SUPT3H: variants seen among roughly 807,000 people sequenced by gnomAD.
The protein encoded by SUPT3H is transcription initiation protein SPT3 homolog.
A neutral mutation model predicts 44.3 loss-of-function variants in SUPT3H; 44 were observed. The observed-to-expected ratio is 0.99, with a 90% confidence interval of 0.78 to 1.28. The LOEUF is 1.28. SUPT3H is among the 50% of genes most tolerant of loss of function. The probability of loss-of-function intolerance (pLI) is 0.00; values close to 1 mark genes in which losing one functional copy is unlikely to be tolerated. For missense variants in SUPT3H, 380 were observed against 387.1 expected, an observed-to-expected ratio of 0.98 and a Z score of 0.15; for synonymous variants, 124 against 125.6, an observed-to-expected ratio of 0.99 and a Z score of 0.09.
intron 6 of SUPT3H, among the ~76,000 whole-genome samples, chr6:44,994,658 A>T (rs1279801904): frequency 6.6e-6 from 1 of 152,072 alleles, no homozygotes; most frequent in South Asian, 2.1e-4. Flanking sequence ...TTAAGAGTAA[A>T]TCTTGGGACA....
chr6:45,174,516 G>C (rs188255923), intron 2 of SUPT3H, among the ~76,000 whole-genome samples: 2,662 of 152,256 alleles, frequency 0.017, 50 homozygotes, highest in South Asian at 0.085. Flanking sequence ...TGAGCATAAA[G>C]TGAGGTGAAT....
chr6:45,069,418 G>T (rs1415450810), intron 3 of SUPT3H, among the ~76,000 whole-genome samples: 1 of 152,146 alleles, frequency 6.6e-6, no homozygotes, highest in East Asian at 1.9e-4. Context: ...TTTTATAGTT[G>T]TAAGAAGAGA....
chr6:45,340,374 A>G (rs1291481790), intron 2 of SUPT3H, among the ~76,000 whole-genome samples: 1 of 152,152 alleles, frequency 6.6e-6, no homozygotes, highest in Non-Finnish European at 1.5e-5. Context: ...CCCAGGCTAG[A>G]GTGCACTGGC....
At position 44,885,118 on chromosome 6, in the gene SUPT3H, C is replaced by T. The variant is rs532222576; in HGVS notation, c.912+47535G>A. On this transcript the variant is annotated intron_variant, in intron 10 of 10. Transcript: ENST00000371459. ...AGGTAAACAAAGCAGCCAGGAAGCTCGAACTGGGTGGAGCCCACCACAGCT... is the reference window on the plus strand; with the variant it reads ...AGGTAAACAAAGCAGCCAGGAAGCTTGAACTGGGTGGAGCCCACCACAGCT... Among the ~76,000 whole-genome samples, 86 of 152,298 alleles carry T rather than the reference C, an allele frequency of 5.6e-4. 1 individual carries two copies. In the South Asian group the frequency reaches 0.017, roughly 29 times the overall value.
chr6:45,296,831 A>G (rs935477059), intron 2 of SUPT3H, among the ~76,000 whole-genome samples: 4 of 151,150 alleles, frequency 2.6e-5, no homozygotes, highest in African/African-American at 7.3e-5. Context: ...AATCACCACT[A>G]AAGAACTTAT....
intron 3 of SUPT3H, chr6:45,099,032 A>G (rs774084642): frequency 3.7e-5 from 14 of 378,436 alleles, no homozygotes; most frequent in Non-Finnish European, 5.8e-5. Flanking sequence ...CAGCAGCAGA[A>G]GATGCATGTG....
chr6:44,886,262 G>A (rs892259456), intron 10 of SUPT3H, among the ~76,000 whole-genome samples: 1 of 152,024 alleles, frequency 6.6e-6, no homozygotes, highest in Non-Finnish European at 1.5e-5. Context: ...AGGAAATACA[G>A]AGAACGCCAC....
At chr6:44,884,866 G>C (rs1011798428) in intron 10 of SUPT3H, among the ~76,000 whole-genome samples, 2 of 152,200 alleles carry the variant, frequency 1.3e-5, no homozygotes, top group African/African-American at 4.8e-5. Flanking sequence ...CCTAGTCAAA[G>C]AAAGGGGTGA....
chr6:45,084,488 A>G (rs1796236159), intron 3 of SUPT3H, among the ~76,000 whole-genome samples: 1 of 152,222 alleles, frequency 6.6e-6, no homozygotes, highest in African/African-American at 2.4e-5. Context: ...GGCTGCAAAG[A>G]AAAAGAAACT....
intron 2 of SUPT3H, among the ~76,000 whole-genome samples, chr6:45,160,082 C>T (rs1808686337): frequency 6.6e-6 from 1 of 152,078 alleles, no homozygotes; most frequent in African/African-American, 2.4e-5. Context: ...TAATATAAAG[C>T]ATAGCATGTA....
intron 2 of SUPT3H, among the ~76,000 whole-genome samples, chr6:45,244,258 C>G (rs1770941734): frequency 6.6e-6 from 1 of 152,126 alleles, no homozygotes; most frequent in African/African-American, 2.4e-5. Context: ...TACAACCAAT[C>G]ACAAATCTTT....
At chr6:45,185,090 G>A (rs2153615291) in intron 2 of SUPT3H, among the ~76,000 whole-genome samples, 1 of 152,306 alleles carries the variant, frequency 6.6e-6, no homozygotes, top group South Asian at 2.1e-4. Flanking sequence ...TGGGGCAGAA[G>A]CAGGAGGAAC....
At chr6:44,941,013 A>T (rs1260608303) in intron 9 of SUPT3H, among the ~76,000 whole-genome samples, 1 of 151,998 alleles carries the variant, frequency 6.6e-6, no homozygotes, top group African/African-American at 2.4e-5. Context: ...TTTTCCATCC[A>T]TTCTGCCAAT....
intron 2 of SUPT3H, among the ~76,000 whole-genome samples, chr6:45,185,827 A>G (rs908061263): frequency 6.6e-6 from 1 of 152,236 alleles, no homozygotes; most frequent in African/African-American, 2.4e-5. Flanking sequence ...CTGAAGAGGC[A>G]GTGTCAAGCA....
chr6:45,018,293 C>A (rs1354804310), intron 4 of SUPT3H, among the ~76,000 whole-genome samples: 1 of 152,070 alleles, frequency 6.6e-6, no homozygotes, highest in Non-Finnish European at 1.5e-5. Flanking sequence ...CGTCTGCAAA[C>A]AGGGACAATT....
chr6:45,114,601 T>C (rs538182160), intron 2 of SUPT3H, among the ~76,000 whole-genome samples: 1 of 152,272 alleles, frequency 6.6e-6, no homozygotes, highest in East Asian at 1.9e-4. Context: ...AAAATGTGCA[T>C]CTGAGAAAGT....
intron 2 of SUPT3H, among the ~76,000 whole-genome samples, chr6:45,338,781 T>C (rs1394154528): frequency 1.3e-5 from 2 of 152,112 alleles, no homozygotes; most frequent in Non-Finnish European, 2.9e-5. Flanking sequence ...ATAATTTATA[T>C]GCAGCCTATT....
chr6:45,026,579 T>C (rs1291521667), intron 3 of SUPT3H, among the ~76,000 whole-genome samples: 1 of 152,146 alleles, frequency 6.6e-6, no homozygotes, highest in Non-Finnish European at 1.5e-5. Context: ...AATAATACTA[T>C]AAATTTTATG....
At chr6:45,020,824 T>A (rs556499848) in intron 3 of SUPT3H, among the ~76,000 whole-genome samples, 192 bp from the exon 4 acceptor site, 1 of 152,094 alleles carries the variant, frequency 6.6e-6, no homozygotes, top group South Asian at 2.1e-4. Flanking sequence ...TAAATTAACT[T>A]ATGAGCCCAC....
Sources: allele counts gnomAD v4.1 joint callset (sites outside exome capture counted in the v4.1 genomes callset), GRCh38; gene constraint gnomAD v4.1.1; transcripts MANE v1.5; gene names NCBI Gene and HGNC (gene_info 2026-07-23, HGNC 2026-07-21).